Variants in MYRF observed in about 807,000 individuals in gnomAD.
MYRF encodes the protein myelin regulatory factor.
MYRF carries 16 observed loss-of-function variants against 126.3 expected under a neutral mutation model. The ratio of observed to expected loss-of-function variants is 0.13; its 90% CI spans 0.09 to 0.19. The LOEUF (loss-of-function observed/expected upper bound fraction) is 0.19, where lower values mean the gene tolerates loss of function less well. Among genes scored for constraint, MYRF ranks in the 10% least tolerant of loss-of-function variants. MYRF has a pLI of 1.00. For synonymous variants in MYRF, 608 were observed against 635.3 expected (o/e 0.96, Z 0.65); for missense variants, 1,104 against 1,547.0 (o/e 0.71, Z 4.80).
chr11:61,762,723 C>A (rs1011781198), intron 1 of MYRF, among the ~76,000 whole-genome samples: 1 of 152,240 alleles, frequency 6.6e-6, no homozygotes, highest in Admixed American at 6.5e-5. Flanking sequence ...GGGAAAGAGA[C>A]GACGCGGCCT....
rs1327466989 is a variant in MYRF, at chr11:61,780,281, A to G, written c.2396A>G (p.Asp799Gly). Residue 799 changes from aspartate to glycine, a missense_variant, in exon 18 of 27, where the codon GAC becomes GGC. Asp to Gly is a moderately conservative substitution (Grantham distance 94, BLOSUM62 -1). Transcript: ENST00000278836. ...LSLRTEEDLV[D>G]TDGSFAVSTS... ...CTGCGCACAGAGGAGGACCTGGTAG[A>G]CACTGATGGGTAGGTTCCTGGAGGC... 1.2e-6 allele frequency: 2 copies of G among 1,612,870 alleles called. No individual in the cohort carries two copies. Among genetic ancestry groups the G allele is most frequent in the Non-Finnish European group, 1.7e-6 (2 of 1,179,388 alleles).
At chr11:61,780,883 G>A in intron 19 of MYRF, 77 bp from the exon 20 acceptor site, 1 of 1,588,644 alleles carries the variant, frequency 6.3e-7, no homozygotes, top group Non-Finnish European at 8.6e-7. Context: ...CTGCCCTCCT[G>A]CCTCTCCAGG....
Position 61,771,927 on chromosome 11 carries a change from C to A in MYRF, c.1090C>A (p.Leu364Met). ...TCATCAGCAGAACAAGTGGGCGACC[C>A]TGTACGATGCTAACTACAAGGAGCT... ...QPHQQNKWAT[L>M]YDANYKELPM... Residue 364 changes from leucine (L) to methionine (M), a missense_variant, in exon 7 of 27, where the codon CTG (leucine) becomes ATG (methionine). By Grantham distance (15) the Leu-to-Met change is conservative. Around this residue, in one of 10 missense-constraint regions of MYRF, gnomAD observed 87 missense variants for 129.2 expected, o/e 0.67. Transcript: ENST00000278836. 1 of 1,614,118 alleles carries A rather than the reference C, an allele frequency of 6.2e-7. No homozygotes were observed. Among genetic ancestry groups the A allele is most frequent in the Non-Finnish European group, 8.5e-7 (1 of 1,179,992 alleles).
rs763282053 is a variant in MYRF, at chr11:61,783,946, G to C, written c.3194+21G>C. The C allele has an allele frequency of 6.3e-7, 1 of 1,588,132 alleles. No homozygotes were observed. Among genetic ancestry groups the C allele is most frequent in the Admixed American group, 1.8e-5 (1 of 56,972 alleles). ...ATGAAGTGAGTGCCGGTGTGGGGAAGTGGGAGGCAGGAGGGGAGCCAGGGA... is the reference window on the plus strand; with the variant it reads ...ATGAAGTGAGTGCCGGTGTGGGGAACTGGGAGGCAGGAGGGGAGCCAGGGA... On this transcript the variant is annotated intron_variant, in intron 24 of 26. Coordinates refer to ENST00000278836, the MANE Select transcript of MYRF (RefSeq NM_001127392.3). This position sits in a 1 kb window ranked among gnomAD's most constrained non-coding sequence, Gnocchi z 4.6.
intron 1 of MYRF, among the ~76,000 whole-genome samples, chr11:61,756,531 A>C (rs1565276485): frequency 6.6e-6 from 1 of 151,608 alleles, no homozygotes; most frequent in Non-Finnish European, 1.5e-5. Flanking sequence ...GTGGCCAGGC[A>C]CAGGGTTTCC....
chr11:61,752,729 G>A lies in MYRF; in HGVS notation c.-16G>A, dbSNP rs1343789719. 4.1e-6 allele frequency: 6 copies of A among 1,448,290 alleles called. No individual in the cohort carries two copies. The African/African-American group carries it at 4.5e-5, about 11-fold the overall frequency. The allele number at this position is 1,448,290 out of a possible 1,614,324, so 89.7% of individuals were successfully genotyped here. ...TAGCGGGGCCGCGGCTGGAGTGTGCGCCGGGCAGGCGGGACATGGAGGTGG... is the reference window on the plus strand; with the variant it reads ...TAGCGGGGCCGCGGCTGGAGTGTGCACCGGGCAGGCGGGACATGGAGGTGG... On this transcript the variant is annotated 5_prime_UTR_variant, in exon 1 of 27. Transcript: ENST00000278836.
rs1384170847 is a variant in MYRF, at chr11:61,757,280, C to G, written c.46+4490C>G. 2.2e-6 allele frequency: 1 copy of G among 456,646 alleles called. No homozygotes were observed. The highest frequency in any genetic ancestry group is 4.4e-6 in the Non-Finnish European group (1 of 226,944). 28.3% of individuals were successfully genotyped at this position (456,646 alleles called of 1,614,324 possible). On this transcript the variant is annotated intron_variant, in intron 1 of 26. Coordinates refer to ENST00000278836, the MANE Select transcript of MYRF (RefSeq NM_001127392.3). This position sits in a 1 kb window ranked among gnomAD's most constrained non-coding sequence, Gnocchi z 4.7. ...TCTGTGCATTCGCCAGCGAGGGCAG[C>G]TGGGGTCTGTTCCTAGCTCTCCTGC...
At chr11:61,759,755 G>A (rs1193371845) in intron 1 of MYRF, among the ~76,000 whole-genome samples, 1 of 152,096 alleles carries the variant, frequency 6.6e-6, no homozygotes, top group Non-Finnish European at 1.5e-5. Context: ...AGCTGGGAGA[G>A]AACAAAGACT....
chr11:61,785,943 T>C, intron 26 of MYRF, 69 bp downstream of exon 26: 1 of 1,573,252 alleles, frequency 6.4e-7, no homozygotes, highest in Non-Finnish European at 8.7e-7. Flanking sequence ...GCTTGAGGAA[T>C]GGGGGGTTTG....
At chr11:61,780,836 C>G (rs1047172018) in intron 19 of MYRF, 44 bp downstream of exon 19, 1 of 1,557,134 alleles carries the variant, frequency 6.4e-7, no homozygotes, top group Non-Finnish European at 8.7e-7. Context: ...CCTGCTGCCC[C>G]TCTTCCTGCC....
In MYRF at chr11:61,779,370, C is replaced by T; in HGVS notation, c.2121C>T (p.Ala707=). The T allele has an allele frequency of 6.4e-7, 1 of 1,551,334 alleles. No homozygotes were observed. Among genetic ancestry groups the T allele is most frequent in the Non-Finnish European group, 8.7e-7 (1 of 1,146,930 alleles). The change falls in exon 15 of 27, where the codon GCC becomes GCT. Residue 707 remains alanine (A), a synonymous_variant. Coordinates refer to ENST00000278836, the MANE Select transcript of MYRF (RefSeq NM_001127392.3). ...DELERWSHKL[A]KLRRLDSLKS... is the part of the protein sequence containing the mutation. Reference sequence around the variant, plus strand: ...TGGAGCGCTGGAGCCACAAGCTGGCCAAGCTGCGGCGGCTCGACAGCCTCA... The same window carrying T: ...TGGAGCGCTGGAGCCACAAGCTGGCTAAGCTGCGGCGGCTCGACAGCCTCA...
At chr11:61,763,589 C>T (rs746899749) in intron 1 of MYRF, among the ~76,000 whole-genome samples, 6 of 152,206 alleles carry the variant, frequency 3.9e-5, no homozygotes, top group Non-Finnish European at 7.3e-5. Context: ...TTAGGCTGGG[C>T]GTGGTGGCTC....
At chr11:61,766,494 A>G in intron 3 of MYRF, 1 of 453,594 alleles carries the variant, frequency 2.2e-6, no homozygotes, top group Non-Finnish European at 3.9e-6. Context: ...TGCTGTGTGG[A>G]GAGTGGACAG....
chr11:61,780,889 C>T, intron 19 of MYRF, 71 bp from the exon 20 acceptor site: 2 of 1,592,680 alleles, frequency 1.3e-6, no homozygotes, highest in African/African-American at 1.3e-5. Context: ...TCCTGCCTCT[C>T]CAGGACTGTC....
rs1450297312 is a variant in MYRF at position 61,778,793 on chromosome 11, G to A, written c.2013+304G>A. The A allele has an allele frequency of 2.6e-5, 15 of 580,520 alleles. 1 individual carries two copies. Among genetic ancestry groups the A allele is most frequent in the South Asian group, 4.6e-5 (3 of 65,746 alleles). The allele number at this position is 580,520 out of a possible 1,614,324, so 36.0% of individuals were successfully genotyped here. ...GTAATAGAACTGCACAGACATCCTCGTATGGTTACCTCCAGGCTGAAATAC... is the reference window on the plus strand; with the variant it reads ...GTAATAGAACTGCACAGACATCCTCATATGGTTACCTCCAGGCTGAAATAC... On this transcript the variant is annotated intron_variant, in intron 14 of 26. Coordinates refer to ENST00000278836, the MANE Select transcript of MYRF (RefSeq NM_001127392.3). This position sits in a 1 kb window ranked among gnomAD's most constrained non-coding sequence, Gnocchi z 4.6.
intron 1 of MYRF, 22 bp from the exon 2 acceptor site, chr11:61,765,603 G>A (rs1276981745): frequency 8.7e-6 from 14 of 1,601,646 alleles, no homozygotes; most frequent in Non-Finnish European, 1.1e-5. Context: ...CTCTTCCCTA[G>A]CCCATCTCTC....
chr11:61,755,289 A>G, intron 1 of MYRF: 1 of 1,347,434 alleles, frequency 7.4e-7, no homozygotes, highest in East Asian at 2.5e-5. Context: ...CTCAGGTGGG[A>G]GGCCGGGACA....
At chr11:61,763,560 G>A (rs187929270) in intron 1 of MYRF, among the ~76,000 whole-genome samples, 81 of 152,320 alleles carry the variant, frequency 5.3e-4, no homozygotes, top group Middle Eastern at 3.4e-3. Context: ...GATGCCTTGC[G>A]CATAAGAAAC....
chr11:61,754,706 C>T (rs1005858177), intron 1 of MYRF, among the ~76,000 whole-genome samples: 12 of 152,244 alleles, frequency 7.9e-5, no homozygotes, highest in South Asian at 6.2e-4. Flanking sequence ...GGGGAGGCTG[C>T]GCTACTCCCT....
Sources: allele counts gnomAD v4.1 joint callset (sites outside exome capture counted in the v4.1 genomes callset), GRCh38; gene constraint gnomAD v4.1.1; regional missense constraint gnomAD v4.1.1; non-coding constraint Gnocchi (gnomAD v3.1); transcripts MANE v1.5; gene names NCBI Gene and HGNC (gene_info 2026-07-23, HGNC 2026-07-21).